The following TMTC3 variants were observed in gnomAD, a reference collection of about 807,000 sequenced individuals.
The protein encoded by TMTC3 is transmembrane O-mannosyltransferase targeting cadherins 3.
In TMTC3, 52 loss-of-function variants were observed where a neutral mutation model predicts 92.2. That is an observed-to-expected ratio of 0.56 (90% CI 0.45 to 0.71). The LOEUF is 0.71. Ranked by LOEUF, TMTC3 falls within the 30% of genes least tolerant of loss-of-function variation. The pLI, the probability that TMTC3 is intolerant of heterozygous loss-of-function variation, is 0.00. For synonymous variants in TMTC3, 339 were observed against 363.3 expected, an observed-to-expected ratio of 0.93 and a Z score of 0.76; for missense variants, 896 against 1,057.1, an observed-to-expected ratio of 0.85 and a Z score of 2.11.
chr12:88,190,366 T>G, intron 11 of TMTC3, 87 bp from the exon 12 acceptor site: 1 of 1,221,042 alleles, frequency 8.2e-7, no homozygotes, highest in Non-Finnish European at 1.2e-6. Context: ...ATGTTCTGAG[T>G]TATTTTGAAT....
At position 88,167,563 on chromosome 12, in the gene TMTC3, C is replaced by T. The variant is rs1401022259; in HGVS notation, c.1050+981C>T. On this transcript the variant is annotated intron_variant, in intron 7 of 13. Transcript: ENST00000266712. The stretch of plus-strand genomic sequence containing the variant: ...TCATTCAATAAAAACTTAGACTTTA[C>T]CCTTTGTACAGTGCAGCATTTTAGG... 2.6e-5 allele frequency among the ~76,000 whole-genome samples: 4 copies of T among 152,232 alleles called. No individual in the cohort carries two copies. In the East Asian group the frequency reaches 7.7e-4, roughly 29 times the overall value.
chr12:88,155,341 T>A (rs1481213475), intron 4 of TMTC3, among the ~76,000 whole-genome samples: 2 of 152,202 alleles, frequency 1.3e-5, no homozygotes, highest in Non-Finnish European at 2.9e-5. Flanking sequence ...CAGTGCATCA[T>A]GTAGTAGGAG....
chr12:88,144,403 C>A lies in TMTC3; in HGVS notation c.-29+1916C>A, dbSNP rs184336702. Among the ~76,000 whole-genome samples the A allele has an allele frequency of 4.6e-3, 696 of 150,846 alleles. 5 individuals are homozygous for A. The highest frequency in any genetic ancestry group is 9.2e-3 in the South Asian group (44 of 4,788). Reference sequence around the variant, plus strand: ...AAGTCTGTTTTCTCTAACACCTTTTCTTCTGTTTTTTTTTTCATTCGTTAT... The same window carrying A: ...AAGTCTGTTTTCTCTAACACCTTTTATTCTGTTTTTTTTTTCATTCGTTAT... On this transcript the variant is annotated intron_variant, in intron 1 of 13. Coordinates refer to ENST00000266712, the MANE Select transcript of TMTC3 (RefSeq NM_181783.4).
At chr12:88,193,095 CAT>C (rs1251218718) in intron 13 of TMTC3, among the ~76,000 whole-genome samples, 2 of 152,032 alleles carry the variant, frequency 1.3e-5, no homozygotes, top group Non-Finnish European at 2.9e-5. Context: ...TATTAAGCAA[CAT>C]TAACTATTTT....
Position 88,166,319 on chromosome 12 carries a change from C to T in TMTC3, c.798-11C>T, listed in dbSNP as rs1193889607. On this transcript the variant is annotated splice_polypyrimidine_tract_variant and intron_variant, in intron 6 of 13. Coordinates refer to ENST00000266712, the MANE Select transcript of TMTC3 (RefSeq NM_181783.4). ...TTTTATTTGTAATCTTTTTTTTAAT[C>T]CTTTATACAGGTTTGATAACCCAGC... The T allele has an allele frequency of 2.5e-6, 4 of 1,603,666 alleles. No homozygotes were observed. Among genetic ancestry groups the T allele is most frequent in the South Asian group, 1.1e-5 (1 of 89,418 alleles).
At chr12:88,176,471 C>A (rs2041261024) in intron 10 of TMTC3, 152 bp downstream of exon 10, 1 of 570,856 alleles carries the variant, frequency 1.8e-6, no homozygotes, top group Non-Finnish European at 3.1e-6. Flanking sequence ...TTACATATAA[C>A]AGCCACTTAA....
chr12:88,143,829 A>G (rs1565939493), intron 1 of TMTC3, among the ~76,000 whole-genome samples: 1 of 152,044 alleles, frequency 6.6e-6, no homozygotes, highest in Admixed American at 6.6e-5. Flanking sequence ...TAGACTAAGG[A>G]TTGTTATAGT....
At chr12:88,192,916 A>G in intron 13 of TMTC3, 86 bp downstream of exon 13, 1 of 1,104,500 alleles carries the variant, frequency 9.1e-7, no homozygotes, top group African/African-American at 1.6e-5. Flanking sequence ...ACCCATAGCA[A>G]ACACTTTATG....
intron 13 of TMTC3, among the ~76,000 whole-genome samples, chr12:88,194,037 C>T (rs1813129052): frequency 6.6e-6 from 1 of 152,000 alleles, no homozygotes; most frequent in Non-Finnish European, 1.5e-5. Context: ...GCCTAGGCAA[C>T]ATAGTAAAAC....
rs2041539446 is a variant in TMTC3, at chr12:88,198,330, C to T, written c.*2681C>T. The T allele has an allele frequency of 2.5e-6, 1 of 397,924 alleles. No homozygotes were observed. Among genetic ancestry groups the T allele is most frequent in the Non-Finnish European group, 4.4e-6 (1 of 225,650 alleles). 24.6% of individuals were successfully genotyped at this position (397,924 alleles called of 1,614,324 possible). ...GAAGTTTGGAAAAGAGAGCTTATCA[C>T]AGGTTTGTATGCTGGTGAATGGATA... On this transcript the variant is annotated 3_prime_UTR_variant, in exon 14 of 14. Coordinates refer to ENST00000266712, the MANE Select transcript of TMTC3 (RefSeq NM_181783.4).
At chr12:88,160,920 T>C in intron 6 of TMTC3, 69 bp downstream of exon 6, 1 of 1,410,262 alleles carries the variant, frequency 7.1e-7, no homozygotes, top group Non-Finnish European at 9.6e-7. Context: ...ATCATAAATG[T>C]TGAAGAAAGT....
intron 7 of TMTC3, among the ~76,000 whole-genome samples, chr12:88,166,969 G>A (rs1213306986): frequency 2.7e-5 from 4 of 149,664 alleles, no homozygotes; most frequent in Admixed American, 6.7e-5. Context: ...CACTATGTTC[G>A]GAGAACTCTG....
At chr12:88,181,090 C>T (rs1289770378) in intron 10 of TMTC3, among the ~76,000 whole-genome samples, 2 of 152,072 alleles carry the variant, frequency 1.3e-5, no homozygotes, top group Admixed American at 6.5e-5. Flanking sequence ...GGATGTTCCA[C>T]GTGTGACAAA....
At position 88,195,560 on chromosome 12, in the gene TMTC3, A is replaced by T. The variant is rs766171060; in HGVS notation, c.2656A>T (p.Thr886Ser). The change falls in exon 14 of 14, where the codon ACA becomes TCA. Residue 886 changes from threonine to serine, a missense_variant. Physicochemically the swap from Thr to Ser is moderately conservative, Grantham distance 58. Coordinates refer to ENST00000266712, the MANE Select transcript of TMTC3 (RefSeq NM_181783.4). The part of the protein sequence containing the change: ...KNGDEETPHK[T>S]TKDIKEIEKK... ...TGGAGACGAAGAGACACCCCACAAA[A>T]CAACAAAAGACATCAAAGAAATTGA... The T allele has an allele frequency of 3.7e-6, 6 of 1,612,370 alleles. No homozygotes were observed. The highest frequency in any genetic ancestry group is 1.7e-5 in the Admixed American group (1 of 59,670).
chr12:88,164,316 C>A (rs767996605), intron 6 of TMTC3, among the ~76,000 whole-genome samples: 1 of 151,970 alleles, frequency 6.6e-6, no homozygotes, highest in Non-Finnish European at 1.5e-5. Flanking sequence ...TAATTCTAGC[C>A]CCCGCACTCC....
At chr12:88,167,657 G>C (rs1240504376) in intron 7 of TMTC3, among the ~76,000 whole-genome samples, 3 of 152,102 alleles carry the variant, frequency 2.0e-5, no homozygotes, top group Admixed American at 6.5e-5. Flanking sequence ...CGTTTCCAGA[G>C]AACTTACATT....
chr12:88,145,013 A>G (rs1425900435), intron 1 of TMTC3, among the ~76,000 whole-genome samples: 1 of 152,138 alleles, frequency 6.6e-6, no homozygotes, highest in African/African-American at 2.4e-5. Flanking sequence ...GCTTTTGTGA[A>G]CAGTTTTATC....
chr12:88,150,305 A>G (rs1416254951), intron 2 of TMTC3, among the ~76,000 whole-genome samples: 2 of 152,186 alleles, frequency 1.3e-5, no homozygotes, highest in African/African-American at 4.8e-5. Context: ...TCATTGTAGC[A>G]AATACAGTAC....
At chr12:88,160,381 C>T (rs1256316368) in intron 5 of TMTC3, 152 bp downstream of exon 5, 2 of 574,506 alleles carry the variant, frequency 3.5e-6, no homozygotes, top group East Asian at 3.2e-5. Flanking sequence ...TATCCTCATA[C>T]CTACTGAAAA....
Sources: allele counts gnomAD v4.1 joint callset (sites outside exome capture counted in the v4.1 genomes callset), GRCh38; gene constraint gnomAD v4.1.1; transcripts MANE v1.5; gene names NCBI Gene and HGNC (gene_info 2026-07-23, HGNC 2026-07-21).